IL1RAPL2: variants seen among roughly 807,000 people sequenced by gnomAD.
The protein encoded by IL1RAPL2 is interleukin 1 receptor accessory protein like 2.
In IL1RAPL2, 3 loss-of-function variants were observed where a neutral mutation model predicts 44.1. The ratio of observed to expected loss-of-function variants is 0.07; its 90% CI spans 0.03 to 0.18. The LOEUF is 0.18. Among genes scored for constraint, IL1RAPL2 ranks in the 10% least tolerant of loss-of-function variants. The pLI, the probability that IL1RAPL2 is intolerant of heterozygous loss-of-function variation, is 1.00. For synonymous variants in IL1RAPL2, 181 were observed against 178.8 expected (o/e 1.01, Z -0.10); for missense variants, 391 against 496.4 (o/e 0.79, Z 2.02).
At chrX:104,582,602 TTCTTTCTTTC>T (rs1569487413) in intron 1 of IL1RAPL2, among the ~76,000 whole-genome samples, 961 of 83,337 alleles carry the variant, frequency 0.012, 12 homozygotes, top group Non-Finnish European at 0.015. Flanking sequence ...TTCTTTTTCT[TTCTTTCTTTC>T]TTTCTTTCTT....
At chrX:105,105,560 T>C (rs994948276) in intron 2 of IL1RAPL2, among the ~76,000 whole-genome samples, 1 of 112,373 alleles carries the variant, frequency 8.9e-6, no homozygotes, top group African/African-American at 3.2e-5. Context: ...TTAGTTTGGT[T>C]TGAGTACAGA....
At chrX:105,684,081 G>A (rs1362916029) in intron 6 of IL1RAPL2, among the ~76,000 whole-genome samples, 2 of 111,988 alleles carry the variant, frequency 1.8e-5, no homozygotes, top group African/African-American at 3.2e-5. Context: ...TGGCCGAATA[G>A]GAACAGCTCC....
intron 3 of IL1RAPL2, among the ~76,000 whole-genome samples, chrX:105,209,590 A>G (rs112860939): frequency 0.024 from 2,659 of 111,796 alleles, 95 homozygotes; most frequent in African/African-American, 0.083. Context: ...GTAACTGCCC[A>G]TCTCACTAAG....
At chrX:105,764,995 G>A (rs1363548828) in intron 10 of IL1RAPL2, among the ~76,000 whole-genome samples, 1 of 111,087 alleles carries the variant, frequency 9.0e-6, no homozygotes, top group Non-Finnish European at 1.9e-5. Flanking sequence ...TAACCCCTTG[G>A]TAAATTATTT....
chrX:105,678,890 AC>A (rs745484307), intron 6 of IL1RAPL2, among the ~76,000 whole-genome samples: 3 of 111,446 alleles, frequency 2.7e-5, no homozygotes, highest in Non-Finnish European at 3.8e-5. Flanking sequence ...ATTTTCTATA[AC>A]AAGCAGAAAC....
intron 5 of IL1RAPL2, among the ~76,000 whole-genome samples, chrX:105,364,036 G>A (rs1343307967): frequency 9.0e-6 from 1 of 111,148 alleles, no homozygotes; most frequent in Non-Finnish European, 1.9e-5. Flanking sequence ...TTTTCTTATA[G>A]CGGCTTTACA....
chrX:105,239,361 C>T (rs1050959450), intron 4 of IL1RAPL2, among the ~76,000 whole-genome samples: 1 of 111,732 alleles, frequency 8.9e-6, no homozygotes, highest in Non-Finnish European at 1.9e-5. Flanking sequence ...ATCTTTTACT[C>T]CACACCATGG....
At chrX:105,033,316 C>T (rs1027096724) in intron 2 of IL1RAPL2, among the ~76,000 whole-genome samples, 1 of 111,558 alleles carries the variant, frequency 9.0e-6, no homozygotes, top group East Asian at 2.8e-4. Flanking sequence ...TTCTTCCTAG[C>T]CTTGATGGTC....
At chrX:104,856,867 A>G (rs1922379471) in intron 2 of IL1RAPL2, among the ~76,000 whole-genome samples, 1 of 112,569 alleles carries the variant, frequency 8.9e-6, no homozygotes, top group Admixed American at 9.4e-5. Flanking sequence ...ATGCATAAAG[A>G]CATAATCTGT....
chrX:105,064,537 A>G (rs1046904427), intron 2 of IL1RAPL2, among the ~76,000 whole-genome samples: 5 of 112,105 alleles, frequency 4.5e-5, no homozygotes, highest in Non-Finnish European at 9.4e-5. Flanking sequence ...AACTCTTCCA[A>G]TGTATAACTT....
chrX:105,295,394 T>A (rs2034646517), intron 5 of IL1RAPL2, among the ~76,000 whole-genome samples: 1 of 111,830 alleles, frequency 8.9e-6, no homozygotes, highest in Non-Finnish European at 1.9e-5. Flanking sequence ...AAAAGCATAC[T>A]TTCTCTAGGC....
chrX:105,656,445 TC>T (rs2037677952), intron 6 of IL1RAPL2, among the ~76,000 whole-genome samples: 1 of 111,521 alleles, frequency 9.0e-6, no homozygotes, highest in South Asian at 3.8e-4. Context: ...TTACTACTAT[TC>T]AACAAGAAAG....
intron 9 of IL1RAPL2, among the ~76,000 whole-genome samples, chrX:105,753,858 A>G (rs747503573): frequency 9.0e-6 from 1 of 111,499 alleles, no homozygotes; most frequent in African/African-American, 3.3e-5. Flanking sequence ...TTTGTTTCAG[A>G]GTGGTGAAGG....
At chrX:105,681,665 G>A (rs750020234) in intron 6 of IL1RAPL2, among the ~76,000 whole-genome samples, 9 of 111,264 alleles carry the variant, frequency 8.1e-5, no homozygotes, top group Non-Finnish European at 5.7e-5. Flanking sequence ...GGCTGAGGCC[G>A]GATAATTGCT....
intron 6 of IL1RAPL2, among the ~76,000 whole-genome samples, chrX:105,628,708 G>T (rs2037471511): frequency 8.9e-6 from 1 of 112,289 alleles, no homozygotes. Context: ...GCCAAGGCAG[G>T]TGGATCACTT....
At chrX:105,246,000 T>C (rs1478706723) in intron 4 of IL1RAPL2, among the ~76,000 whole-genome samples, 2 of 112,742 alleles carry the variant, frequency 1.8e-5, no homozygotes, top group East Asian at 5.6e-4. Flanking sequence ...TCAGCACATA[T>C]GTATTGGGTG....
intron 2 of IL1RAPL2, among the ~76,000 whole-genome samples, chrX:104,827,812 C>A (rs1921496653): frequency 9.0e-6 from 1 of 111,652 alleles, no homozygotes; most frequent in Non-Finnish European, 1.9e-5. Context: ...TTGTTGGAGG[C>A]TTTGTTCATT....
chrX:104,877,081 A>G (rs1292346599), intron 2 of IL1RAPL2, among the ~76,000 whole-genome samples: 1 of 110,700 alleles, frequency 9.0e-6, no homozygotes, highest in African/African-American at 3.3e-5. Context: ...ATGGCTGCAC[A>G]GTATTCCATG....
chrX:105,032,046 T>C (rs1357442862), intron 2 of IL1RAPL2, among the ~76,000 whole-genome samples: 1 of 111,674 alleles, frequency 9.0e-6, no homozygotes, highest in African/African-American at 3.3e-5. Context: ...GATGGTAGTT[T>C]GTATTTCTGT....
Sources: allele counts gnomAD v4.1 joint callset (sites outside exome capture counted in the v4.1 genomes callset), GRCh38; gene constraint gnomAD v4.1.1; transcripts MANE v1.5; gene names NCBI Gene and HGNC (gene_info 2026-07-23, HGNC 2026-07-21).